MYO5A: variants seen among roughly 807,000 people sequenced by gnomAD.
MYO5A encodes myosin VA.
In MYO5A, 98 loss-of-function variants were observed where a neutral mutation model predicts 249.7. That is an observed-to-expected ratio of 0.39 (90% confidence interval 0.33 to 0.46). The LOEUF is 0.46. Among genes scored for constraint, MYO5A ranks in the 20% least tolerant of loss-of-function variants. The pLI is 0.98. For missense variants in MYO5A, 1,696 were observed against 2,308.8 expected, an observed-to-expected ratio of 0.73 and a Z score of 5.44; for synonymous variants, 778 against 810.6, an observed-to-expected ratio of 0.96 and a Z score of 0.68.
chr15:52,356,412 G>C (rs2141034743), intron 25 of MYO5A, among the ~76,000 whole-genome samples: 1 of 152,074 alleles, frequency 6.6e-6, no homozygotes, highest in Middle Eastern at 3.4e-3. Flanking sequence ...TGCATCTATA[G>C]ATTTAAAGAA....
intron 25 of MYO5A, 31 bp from the exon 26 acceptor site, chr15:52,354,045 G>A (rs370894992): frequency 1.2e-6 from 2 of 1,613,504 alleles, no homozygotes; most frequent in African/African-American, 2.7e-5. Context: ...AGATGGTCAA[G>A]ACAAGCCAGA....
At chr15:52,400,243 T>C (rs1027203207) in intron 9 of MYO5A, among the ~76,000 whole-genome samples, 35 of 152,226 alleles carry the variant, frequency 2.3e-4, no homozygotes, top group Admixed American at 2.2e-3. Flanking sequence ...ATTAACATAA[T>C]GTAATTAAGT....
At chr15:52,387,703 T>C (rs2141149731) in intron 14 of MYO5A, 126 bp downstream of exon 14, 1 of 725,432 alleles carries the variant, frequency 1.4e-6, no homozygotes, top group Non-Finnish European at 2.4e-6. Flanking sequence ...TTGACTAACA[T>C]ACTAAGTGTT....
At chr15:52,320,474 G>A (rs2038246582) in intron 38 of MYO5A, among the ~76,000 whole-genome samples, 1 of 152,120 alleles carries the variant, frequency 6.6e-6, no homozygotes, top group African/African-American at 2.4e-5. Flanking sequence ...GTTGACCTTG[G>A]TATCTGTGTT....
At chr15:52,417,777 T>C (rs997556525) in intron 4 of MYO5A, among the ~76,000 whole-genome samples, 2 of 152,188 alleles carry the variant, frequency 1.3e-5, no homozygotes, top group African/African-American at 4.8e-5. Context: ...CTCCTACTAC[T>C]GAATGACCTT....
rs1249845077 is a variant in MYO5A, at chr15:52,327,957, T to C, written c.4605A>G (p.Ala1535=). The C allele has an allele frequency of 3.1e-6, 5 of 1,613,478 alleles. No individual in the cohort carries two copies. The highest frequency in any genetic ancestry group is 2.7e-5 in the African/African-American group (2 of 74,902). The part of the protein sequence containing the change: ...VAVNLIPGLP[A]YILFMCVRHA... ...GTCGAACACACATGAACAGGATATA[T>C]GCCGGTAATCCTGGAATCAAATTGA... Residue 1535 remains alanine, a synonymous_variant, in exon 36 of 42, where the codon GCA becomes GCG. Transcript: ENST00000399233.
intron 1 of MYO5A, among the ~76,000 whole-genome samples, chr15:52,461,800 C>A (rs1170165295): frequency 1.5e-4 from 22 of 149,478 alleles, no homozygotes; most frequent in Non-Finnish European, 2.8e-4. Flanking sequence ...GTCTCTACTA[C>A]AAATACAAAA....
rs1243789367 is a variant in MYO5A, at chr15:52,309,138, C to G, written c.*4558G>C. ...TCACCTGGTGGCTCCAATAAAGACT[C>G]TGATGGGTGTGGGGAGAGTAACTTT... On this transcript the variant is annotated 3_prime_UTR_variant, in exon 42 of 42. Transcript: ENST00000399233. 1 of 152,322 alleles carries G rather than the reference C, an allele frequency of 6.6e-6. No individual in the cohort carries two copies. The highest frequency in any genetic ancestry group is 2.4e-5 in the African/African-American group (1 of 41,448). The allele number at this position is 152,322 out of a possible 1,614,324, so 9.4% of individuals were successfully genotyped here.
chr15:52,392,782 G>T (rs573247196), intron 11 of MYO5A, among the ~76,000 whole-genome samples: 1 of 152,236 alleles, frequency 6.6e-6, no homozygotes, highest in Non-Finnish European at 1.5e-5. Flanking sequence ...CAACAACACC[G>T]ATGTGGATGT....
rs377209701 is a variant in MYO5A at position 52,351,371 on chromosome 15, G to A, written c.3732C>T (p.Ala1244=). 47 of 1,614,104 alleles carry A rather than the reference G, an allele frequency of 2.9e-5. No individual in the cohort carries two copies. The highest frequency in any genetic ancestry group is 1.6e-4 in the Middle Eastern group (1 of 6,084). The part of the protein sequence containing the change: ...APEVTAPGAP[A]YRVLMEQLTS... Reference sequence around the variant, plus strand: ...TCAGCTGCTCCATGAGGACACGGTAGGCAGGTGCACCTGGGGCGGTCACCT... The same window carrying A: ...TCAGCTGCTCCATGAGGACACGGTAAGCAGGTGCACCTGGGGCGGTCACCT... The change falls in exon 28 of 42, where the codon GCC becomes GCT. Residue 1244 remains alanine, a synonymous_variant. Coordinates refer to ENST00000399233, the MANE Select transcript of MYO5A (RefSeq NM_001382347.1).
intron 1 of MYO5A, among the ~76,000 whole-genome samples, chr15:52,461,225 T>C (rs1286204744): frequency 6.6e-6 from 1 of 152,168 alleles, no homozygotes; most frequent in African/African-American, 2.4e-5. Flanking sequence ...AGTGCTGGGA[T>C]TATAGGTATG....
chr15:52,343,322 A>G (rs1377368350), intron 30 of MYO5A, 125 bp from the exon 31 acceptor site: 3 of 830,614 alleles, frequency 3.6e-6, no homozygotes, highest in South Asian at 1.4e-5. Context: ...TCATTATGAC[A>G]ACTTTAAGAC....
At chr15:52,523,394 T>C (rs190563509) in intron 1 of MYO5A, among the ~76,000 whole-genome samples, 195 of 152,358 alleles carry the variant, frequency 1.3e-3, no homozygotes, top group Admixed American at 2.4e-3. Context: ...GGACTGATCA[T>C]GCCAAACCAT....
chr15:52,349,078 A>C (rs1596325598), intron 28 of MYO5A, among the ~76,000 whole-genome samples: 3 of 152,178 alleles, frequency 2.0e-5, no homozygotes, highest in Non-Finnish European at 2.9e-5. Context: ...TTCTTTTAAA[A>C]TTGTTTTGAT....
At chr15:52,492,865 G>C (rs933305704) in intron 1 of MYO5A, among the ~76,000 whole-genome samples, 5 of 152,192 alleles carry the variant, frequency 3.3e-5, no homozygotes, top group Admixed American at 3.3e-4. Context: ...TTATTGTACT[G>C]TTCTTTCTAC....
intron 1 of MYO5A, among the ~76,000 whole-genome samples, chr15:52,447,213 A>T (rs1488115373): frequency 6.6e-6 from 1 of 152,096 alleles, no homozygotes; most frequent in Non-Finnish European, 1.5e-5. Flanking sequence ...CGGCTCCCTC[A>T]TGGCTTGGTG....
intron 1 of MYO5A, among the ~76,000 whole-genome samples, chr15:52,507,739 G>C (rs748427194): frequency 1.2e-4 from 17 of 146,296 alleles, no homozygotes; most frequent in Non-Finnish European, 2.1e-4. Context: ...GAGAGGTCGA[G>C]GCTGCAGTGA....
intron 28 of MYO5A, among the ~76,000 whole-genome samples, chr15:52,349,428 G>A (rs540745622): frequency 9.2e-5 from 14 of 152,156 alleles, no homozygotes; most frequent in African/African-American, 3.4e-4. Flanking sequence ...GATGGGACAC[G>A]AGTGCTACCA....
intron 6 of MYO5A, among the ~76,000 whole-genome samples, chr15:52,410,059 A>G (rs1361774754): frequency 6.6e-6 from 1 of 152,202 alleles, no homozygotes; most frequent in Non-Finnish European, 1.5e-5. Flanking sequence ...AGACTAAACC[A>G]ATAGCACCTG....
Sources: allele counts gnomAD v4.1 joint callset (sites outside exome capture counted in the v4.1 genomes callset), GRCh38; gene constraint gnomAD v4.1.1; transcripts MANE v1.5; gene names NCBI Gene and HGNC (gene_info 2026-07-23, HGNC 2026-07-21).